The following APBA1 variants were observed in gnomAD, a reference collection of about 807,000 sequenced individuals.
APBA1 encodes the protein amyloid beta precursor protein binding family A member 1, also known as amyloid-beta A4 precursor protein-binding family A member 1.
In APBA1, 55 loss-of-function variants were observed where a neutral mutation model predicts 86.6. That is an observed-to-expected ratio of 0.64 (90% CI 0.51 to 0.80). The LOEUF (loss-of-function observed/expected upper bound fraction) is 0.80. Among genes scored for constraint, APBA1 ranks in the 30% least tolerant of loss-of-function variants. The pLI is 0.00. For synonymous variants in APBA1, 511 were observed against 493.9 expected, an observed-to-expected ratio of 1.03 and a Z score of -0.46; for missense variants, 1,090 against 1,183.0, an observed-to-expected ratio of 0.92 and a Z score of 1.15.
At chr9:69,580,308 C>T (rs1821890173) in intron 1 of APBA1, among the ~76,000 whole-genome samples, 1 of 152,120 alleles carries the variant, frequency 6.6e-6, no homozygotes, top group Non-Finnish European at 1.5e-5. Context: ...TGGGTGGTTT[C>T]AGGGTTAACA....
In APBA1 at chr9:69,427,877, T is replaced by TG; in HGVS notation, c.*3449_*3450insC. On this transcript the variant is annotated 3_prime_UTR_variant, in exon 13 of 13. Coordinates refer to ENST00000265381, the MANE Select transcript of APBA1 (RefSeq NM_001163.4). ...CCCGACACTTTACAATAAGCTCTAT[T>TG]TCACCCTCTTTACAGAACAATAGTA... 1 of 152,340 alleles carries TG rather than the reference T, an allele frequency of 6.6e-6. No homozygotes were observed. Among genetic ancestry groups the TG allele is most frequent in the Admixed American group, 6.5e-5 (1 of 15,302 alleles). The allele number at this position is 152,340 out of a possible 1,614,324, so 9.4% of individuals were successfully genotyped here.
At chr9:69,538,794 G>A (rs1053017186) in intron 1 of APBA1, among the ~76,000 whole-genome samples, 3 of 152,156 alleles carry the variant, frequency 2.0e-5, no homozygotes, top group African/African-American at 7.2e-5. Context: ...TTATCAGCAA[G>A]GTTATTAACC....
chr9:69,671,380 A>G (rs952342020), intron 1 of APBA1, among the ~76,000 whole-genome samples: 1 of 152,150 alleles, frequency 6.6e-6, no homozygotes, highest in Non-Finnish European at 1.5e-5. Flanking sequence ...TTTCCCTGCC[A>G]TGTGCCTCAA....
At chr9:69,613,700 T>C (rs1822638393) in intron 1 of APBA1, among the ~76,000 whole-genome samples, 1 of 152,200 alleles carries the variant, frequency 6.6e-6, no homozygotes, top group South Asian at 2.1e-4. Flanking sequence ...CAACATAATG[T>C]GATTTCTACA....
At chr9:69,612,819 T>A (rs765826054) in intron 1 of APBA1, among the ~76,000 whole-genome samples, 11 of 151,914 alleles carry the variant, frequency 7.2e-5, no homozygotes, top group Non-Finnish European at 1.0e-4. Flanking sequence ...AAATATGGAT[T>A]TAGGAAGGAA....
intron 1 of APBA1, among the ~76,000 whole-genome samples, chr9:69,569,828 G>GT (rs113817016): frequency 0.014 from 2,069 of 150,140 alleles, 30 homozygotes; most frequent in African/African-American, 0.032. Flanking sequence ...ACTTGCTAGA[G>GT]TTTTTTTTTT....
intron 1 of APBA1, among the ~76,000 whole-genome samples, chr9:69,570,506 A>G (rs1837098532): frequency 6.6e-6 from 1 of 152,198 alleles, no homozygotes; most frequent in Non-Finnish European, 1.5e-5. Flanking sequence ...GATCCTCTTT[A>G]AGCATCTCTT....
chr9:69,470,882 G>A (rs1230693115), intron 4 of APBA1, among the ~76,000 whole-genome samples: 1 of 152,190 alleles, frequency 6.6e-6, no homozygotes, highest in African/African-American at 2.4e-5. Flanking sequence ...CTGGAGTGCA[G>A]AGCTTGGCGG....
intron 7 of APBA1, 59 bp from the exon 8 acceptor site, chr9:69,456,491 C>A: frequency 6.7e-7 from 1 of 1,490,632 alleles, no homozygotes; most frequent in Non-Finnish European, 9.0e-7. Context: ...CCTAAGAAAG[C>A]GCCTGCCACC....
At chr9:69,442,097 G>A (rs1365211709) in intron 10 of APBA1, among the ~76,000 whole-genome samples, 1 of 152,228 alleles carries the variant, frequency 6.6e-6, no homozygotes, top group African/African-American at 2.4e-5. Context: ...TCACCCTAGA[G>A]GAGGGTGCCA....
At position 69,538,352 on chromosome 9, in the gene APBA1, C is replaced by T. The variant is rs1836546870; in HGVS notation, c.-69-21073G>A. On this transcript the variant is annotated intron_variant, in intron 1 of 12. Coordinates refer to ENST00000265381, the MANE Select transcript of APBA1 (RefSeq NM_001163.4). ...ATCTTTAAACATCTTGGTGATATAC[C>T]CTGGAGGGGGTGGAAAATCTGTGCT... Among the ~76,000 whole-genome samples, 3 of 152,062 alleles carry T rather than the reference C, an allele frequency of 2.0e-5. No homozygotes were observed. In the South Asian group the frequency reaches 6.2e-4, roughly 31 times the overall value.
intron 1 of APBA1, among the ~76,000 whole-genome samples, chr9:69,585,499 CA>C (rs1821999572): frequency 6.6e-6 from 1 of 152,184 alleles, no homozygotes; most frequent in South Asian, 2.1e-4. Flanking sequence ...ATGGGCCAGA[CA>C]AAGCTGTGGC....
intron 1 of APBA1, among the ~76,000 whole-genome samples, chr9:69,665,787 G>C (rs143423987): frequency 0.012 from 1,798 of 152,294 alleles, 12 homozygotes; most frequent in Non-Finnish European, 0.018. Context: ...ATCACGCTTT[G>C]TTTTCTGATG....
chr9:69,431,896 G>A (rs1834603706), intron 12 of APBA1, among the ~76,000 whole-genome samples: 1 of 152,204 alleles, frequency 6.6e-6, no homozygotes, highest in Non-Finnish European at 1.5e-5. Context: ...CAGCAGTGAT[G>A]ACTGACAGCA....
In APBA1 at chr9:69,503,622, G is replaced by T. The variant is rs560700474; in HGVS notation, c.1200+12389C>A. Among the ~76,000 whole-genome samples, 171 of 152,194 alleles carry T rather than the reference G, an allele frequency of 1.1e-3. 2 individuals carry two copies. The highest frequency in any genetic ancestry group is 3.9e-3 in the African/African-American group (160 of 41,544). ...CAATATAACAACTGCTTTTACTGAG[G>T]TAAATAATGGAATTGTTTTTCCGTT... On this transcript the variant is annotated intron_variant, in intron 2 of 12. Coordinates refer to ENST00000265381, the MANE Select transcript of APBA1 (RefSeq NM_001163.4).
chr9:69,452,053 G>C, intron 9 of APBA1, 69 bp downstream of exon 9: 3 of 1,451,680 alleles, frequency 2.1e-6, no homozygotes, highest in East Asian at 2.3e-5. Flanking sequence ...TTCCGCGGCA[G>C]GGTGCCCCAC....
In APBA1 at chr9:69,456,363, T is replaced by A; in HGVS notation, c.1672A>T (p.Met558Leu). 6.2e-7 allele frequency: 1 copy of A among 1,614,030 alleles called. No homozygotes were observed. The highest frequency in any genetic ancestry group is 2.2e-5 in the East Asian group (1 of 44,878). ...GAGCGAGGCATCCGCCGGCGGGCCA[T>A]CAGCACAACGATGTTCCCAATGTCC... is the stretch of plus-strand genomic sequence containing the variant. ...IADIGNIVVL[M>L]ARRRMPRSNS... Residue 558 changes from methionine to leucine, a missense_variant, in exon 8 of 13, where the codon ATG (methionine) becomes TTG (leucine). Physicochemically the swap from Met to Leu is conservative, Grantham distance 15 (BLOSUM62 2). Around this residue, in one of 6 missense-constraint regions of APBA1, gnomAD observed 103 missense variants for 91.9 expected, o/e 1.12. Coordinates refer to ENST00000265381, the MANE Select transcript of APBA1 (RefSeq NM_001163.4).
intron 1 of APBA1, among the ~76,000 whole-genome samples, chr9:69,652,590 AAGTAACCAAAGGGCAGT>A (rs1823528097): frequency 6.6e-6 from 1 of 152,256 alleles, no homozygotes; most frequent in Non-Finnish European, 1.5e-5. Flanking sequence ...ACCAGAAAAT[AAGTAACCAAAGGGCAGT>A]AGTAAATCCT....
intron 4 of APBA1, among the ~76,000 whole-genome samples, chr9:69,469,238 G>A (rs1404536730): frequency 6.6e-6 from 1 of 152,012 alleles, no homozygotes; most frequent in East Asian, 1.9e-4. Flanking sequence ...AAAACCTCAG[G>A]GTCTTAAATT....
Sources: gnomAD v4.1 joint callset for allele counts (sites outside exome capture counted in the v4.1 genomes callset) on GRCh38, gnomAD v4.1.1 for gene constraint, gnomAD v4.1.1 regional missense constraint, MANE v1.5 for transcripts, NCBI Gene and HGNC (gene_info 2026-07-23, HGNC 2026-07-21) for gene names.